TSC22D1: variants seen among roughly 807,000 people sequenced by gnomAD.
The protein encoded by TSC22D1 is TSC22 domain family protein 1.
TSC22D1 carries 9 observed loss-of-function variants against 74.2 expected under a neutral mutation model. The ratio of observed to expected loss-of-function variants is 0.12; its 90% CI spans 0.07 to 0.21. TSC22D1 has a LOEUF of 0.21. Ranked by LOEUF, TSC22D1 falls within the 10% of genes least tolerant of loss-of-function variation. The probability of loss-of-function intolerance (pLI) is 1.00; values close to 1 mark genes in which losing one functional copy is unlikely to be tolerated. For synonymous variants in TSC22D1, 586 were observed against 492.5 expected, an observed-to-expected ratio of 1.19 and a Z score of -2.51; for missense variants, 1,427 against 1,304.7, an observed-to-expected ratio of 1.09 and a Z score of -1.44.
intron 1 of TSC22D1, among the ~76,000 whole-genome samples, chr13:44,460,775 C>T (rs773146483): frequency 6.6e-6 from 1 of 152,192 alleles, no homozygotes; most frequent in Admixed American, 6.5e-5. Context: ...TTCTTTCCCA[C>T]CACAGCTCCT....
At chr13:44,528,165 T>C (rs753404512) in intron 1 of TSC22D1, among the ~76,000 whole-genome samples, 1 of 152,024 alleles carries the variant, frequency 6.6e-6, no homozygotes, top group Non-Finnish European at 1.5e-5. Flanking sequence ...AAGGACATAA[T>C]TGAACTAAAC....
chr13:44,538,709 A>T, intron 1 of TSC22D1: 1 of 985,428 alleles, frequency 1.0e-6, no homozygotes, highest in Non-Finnish European at 1.2e-6. Flanking sequence ...AAAAGTTTAT[A>T]AATGACAAGA....
chr13:44,517,287 A>C (rs1213651137), intron 1 of TSC22D1, among the ~76,000 whole-genome samples: 1 of 152,056 alleles, frequency 6.6e-6, no homozygotes, highest in African/African-American at 2.4e-5. Flanking sequence ...ATTACTTCTA[A>C]AACAGAGAGC....
intron 1 of TSC22D1, among the ~76,000 whole-genome samples, chr13:44,454,333 A>T (rs1399327834): frequency 6.6e-6 from 1 of 152,228 alleles, no homozygotes; most frequent in Non-Finnish European, 1.5e-5. Flanking sequence ...TATGCTTGGA[A>T]CAGAAAGTAT....
At chr13:44,446,818 G>C (rs1480779063) in intron 1 of TSC22D1, among the ~76,000 whole-genome samples, 1 of 143,866 alleles carries the variant, frequency 7.0e-6, no homozygotes, top group Non-Finnish European at 1.5e-5. Context: ...GGAGGAAGAG[G>C]AGGAGGAAGA....
At chr13:44,510,010 T>C (rs76447678) in intron 1 of TSC22D1, among the ~76,000 whole-genome samples, 2 of 147,416 alleles carry the variant, frequency 1.4e-5, no homozygotes, top group East Asian at 4.0e-4. Context: ...GAAAATGAGT[T>C]CTCATGTACT....
At chr13:44,558,724 A>G (rs1357527034) in intron 1 of TSC22D1, among the ~76,000 whole-genome samples, 1 of 152,210 alleles carries the variant, frequency 6.6e-6, no homozygotes. Flanking sequence ...TGGGTGACAG[A>G]GCAAGACTCC....
chr13:44,454,444 T>C (rs1361197229), intron 1 of TSC22D1, among the ~76,000 whole-genome samples: 1 of 152,192 alleles, frequency 6.6e-6, no homozygotes, highest in Non-Finnish European at 1.5e-5. Context: ...TGCCCCCCGC[T>C]AAACTAAGAA....
chr13:44,453,468 A>C (rs1595088628), intron 1 of TSC22D1, among the ~76,000 whole-genome samples: 1 of 152,240 alleles, frequency 6.6e-6, no homozygotes, highest in African/African-American at 2.4e-5. Flanking sequence ...CTGGAAGAAA[A>C]TAACTGTTTA....
intron 1 of TSC22D1, among the ~76,000 whole-genome samples, chr13:44,564,329 C>T (rs1200968318): frequency 6.6e-6 from 1 of 152,092 alleles, no homozygotes; most frequent in Admixed American, 6.5e-5. Context: ...ATCAGATAAT[C>T]ATGAAAACAA....
intron 1 of TSC22D1, among the ~76,000 whole-genome samples, chr13:44,546,653 T>C (rs1322123636): frequency 6.6e-6 from 1 of 152,058 alleles, no homozygotes; most frequent in Non-Finnish European, 1.5e-5. Flanking sequence ...CCTAGAGTAG[T>C]TGGTATTAAT....
chr13:44,574,150 G>A lies in TSC22D1; in HGVS notation c.1925C>T (p.Pro642Leu), dbSNP rs1184890561. The part of the protein sequence containing the change: ...QQPMVSTQMA[P>L]GHVKSVTQNP... ...TTGAGTCACTGATTTGACATGGCCT[G>A]GGGCCATCTGTGTAGAAACCATTGG... Residue 642 changes from proline to leucine, a missense_variant, in exon 1 of 3, where the codon CCA becomes CTA. Physicochemically the swap from Pro to Leu is moderately conservative, Grantham distance 98. Around this residue, in one of 3 missense-constraint regions of TSC22D1, gnomAD observed 1,343 missense variants for 1,191.5 expected, o/e 1.13. Transcript: ENST00000458659. 6 of 1,614,214 alleles carry A rather than the reference G, an allele frequency of 3.7e-6. No individual in the cohort carries two copies. Among genetic ancestry groups the A allele is most frequent in the African/African-American group, 1.3e-5 (1 of 75,070 alleles).
chr13:44,509,559 G>A (rs1343048276), intron 1 of TSC22D1, among the ~76,000 whole-genome samples: 3 of 152,194 alleles, frequency 2.0e-5, no homozygotes, highest in Middle Eastern at 3.2e-3. Flanking sequence ...AGAATCGCTT[G>A]AACCCAGGAG....
intron 1 of TSC22D1, among the ~76,000 whole-genome samples, chr13:44,481,335 T>C (rs1435440212): frequency 2.0e-5 from 3 of 151,784 alleles, no homozygotes; most frequent in African/African-American, 4.8e-5. Flanking sequence ...TGTAGATGAA[T>C]GGGTAAAATG....
At chr13:44,557,591 T>A (rs1461967923) in intron 1 of TSC22D1, among the ~76,000 whole-genome samples, 1 of 152,242 alleles carries the variant, frequency 6.6e-6, no homozygotes, top group Non-Finnish European at 1.5e-5. Flanking sequence ...CCAAGTGAGT[T>A]CACAGGAAAA....
chr13:44,467,244 T>C (rs562272346), intron 1 of TSC22D1, among the ~76,000 whole-genome samples: 1 of 152,120 alleles, frequency 6.6e-6, no homozygotes, highest in African/African-American at 2.4e-5. Context: ...TATATAAAAA[T>C]TAACTTGAGA....
intron 1 of TSC22D1, among the ~76,000 whole-genome samples, chr13:44,456,104 G>A (rs752848588): frequency 6.6e-6 from 1 of 152,106 alleles, no homozygotes; most frequent in African/African-American, 2.4e-5. Flanking sequence ...TGTTGGTCTC[G>A]CTGACTTAAA....
chr13:44,443,818 TATG>T (rs1268594613), intron 1 of TSC22D1, among the ~76,000 whole-genome samples: 1 of 152,200 alleles, frequency 6.6e-6, no homozygotes, highest in Non-Finnish European at 1.5e-5. Flanking sequence ...CTGAGTACAC[TATG>T]ATAAGTTAAA....
chr13:44,516,644 T>C (rs1002189896), intron 1 of TSC22D1, among the ~76,000 whole-genome samples: 3 of 152,176 alleles, frequency 2.0e-5, no homozygotes, highest in African/African-American at 4.8e-5. Context: ...TCTACCTTTG[T>C]TAAAATTAGC....
Sources: allele counts gnomAD v4.1 joint callset (sites outside exome capture counted in the v4.1 genomes callset), GRCh38; gene constraint gnomAD v4.1.1; regional missense constraint gnomAD v4.1.1; transcripts MANE v1.5; gene names NCBI Gene and HGNC (gene_info 2026-07-23, HGNC 2026-07-21).